The following HECW1 variants were observed in gnomAD, a reference collection of about 807,000 sequenced individuals.
The protein encoded by HECW1 is HECT, C2 and WW domain containing E3 ubiquitin protein ligase 1.
In HECW1, 61 loss-of-function variants were observed where a neutral mutation model predicts 182.3. That is an observed-to-expected ratio of 0.33 (90% CI 0.27 to 0.41). The LOEUF (loss-of-function observed/expected upper bound fraction) is 0.41. Ranked by LOEUF, HECW1 falls within the 10% of genes least tolerant of loss-of-function variation. HECW1 has a pLI of 1.00. For missense variants in HECW1, 1,739 were observed against 2,108.9 expected (o/e 0.82, Z 3.44); for synonymous variants, 859 against 832.6 (o/e 1.03, Z -0.55).
At chr7:43,440,124 G>C (rs2076839333) in intron 9 of HECW1, 1 of 152,338 alleles carries the variant, frequency 6.6e-6, no homozygotes, top group African/African-American at 2.4e-5. Flanking sequence ...CATGGAAGCA[G>C]TGGCCATGCA....
At chr7:43,346,787 A>G (rs1244025822) in intron 5 of HECW1, among the ~76,000 whole-genome samples, 1 of 152,164 alleles carries the variant, frequency 6.6e-6, no homozygotes, top group African/African-American at 2.4e-5. Context: ...GCTTTGTGGA[A>G]GATCAGTTGG....
chr7:43,240,541 CT>C (rs1798787306), intron 2 of HECW1, among the ~76,000 whole-genome samples: 1 of 152,116 alleles, frequency 6.6e-6, no homozygotes, highest in Non-Finnish European at 1.5e-5. Flanking sequence ...GGGTAACGTG[CT>C]TTCTAATATT....
intron 24 of HECW1, among the ~76,000 whole-genome samples, chr7:43,532,879 A>T (rs2081048411): frequency 6.6e-6 from 1 of 152,242 alleles, no homozygotes. Context: ...AAATGTGCAG[A>T]GTGGAGCACA....
intron 24 of HECW1, among the ~76,000 whole-genome samples, chr7:43,510,479 G>T (rs891599993): frequency 2.6e-5 from 4 of 152,194 alleles, no homozygotes; most frequent in African/African-American, 9.6e-5. Context: ...AGTATGTTCT[G>T]GGAGGATACA....
rs1049961315 is a variant in HECW1 at position 43,432,350 on chromosome 7, G to A, written c.802-5653G>A. On this transcript the variant is annotated intron_variant, in intron 8 of 29. Transcript: ENST00000395891. This position sits in a 1 kb window ranked among gnomAD's most constrained non-coding sequence, Gnocchi z 4.1. Reference sequence around the variant, plus strand: ...GAGACGGGGTTTCACCGTTTTAGCCGGGATGGTCTCGATCTCCTGACCTCG... The same window carrying A: ...GAGACGGGGTTTCACCGTTTTAGCCAGGATGGTCTCGATCTCCTGACCTCG... Among the ~76,000 whole-genome samples, 3 of 150,378 alleles carry A rather than the reference G, an allele frequency of 2.0e-5. No homozygotes were observed. The highest frequency in any genetic ancestry group is 4.4e-5 in the Non-Finnish European group (3 of 67,604).
chr7:43,441,567 G>A (rs1385253476), intron 9 of HECW1, among the ~76,000 whole-genome samples: 1 of 149,420 alleles, frequency 6.7e-6, no homozygotes, highest in Non-Finnish European at 1.5e-5. Flanking sequence ...CTCTCTCTCT[G>A]TTTTAGAACA....
chr7:43,376,298 A>G lies in HECW1; in HGVS notation c.555+15318A>G, dbSNP rs954201012. ...GTCACCGTAATAATCTCACCACCCA[A>G]CGAGCCTCAGGAACCTGCAGAAAGG... is the stretch of plus-strand genomic sequence containing the variant. On this transcript the variant is annotated intron_variant, in intron 6 of 29. Coordinates refer to ENST00000395891, the MANE Select transcript of HECW1 (RefSeq NM_015052.5). Among the ~76,000 whole-genome samples the G allele has an allele frequency of 3.9e-5, 6 of 152,180 alleles. No homozygotes were observed. In the East Asian group the frequency reaches 7.7e-4, roughly 20 times the overall value.
chr7:43,218,086 A>T lies in HECW1; in HGVS notation c.-31-25789A>T, dbSNP rs578230363. On this transcript the variant is annotated intron_variant, in intron 2 of 29. Coordinates refer to ENST00000395891, the MANE Select transcript of HECW1 (RefSeq NM_015052.5). ...GGAGAGCTGTGTAAATGGCCCAACA[A>T]AGTCTGTGTCAAAAAGGATTTTGAA... Among the ~76,000 whole-genome samples the T allele has an allele frequency of 1.2e-4, 18 of 152,302 alleles. 1 individual carries two copies. Among genetic ancestry groups the T allele is most frequent in the African/African-American group, 3.6e-4 (15 of 41,558 alleles).
intron 20 of HECW1, 135 bp downstream of exon 20, chr7:43,500,917 T>A (rs1419560263): frequency 6.7e-6 from 5 of 743,770 alleles, no homozygotes; most frequent in Non-Finnish European, 1.2e-5. Flanking sequence ...GCAACGCAAG[T>A]GGGACCCCAC....
In HECW1 at chr7:43,469,070, C is replaced by T. The variant is rs957355401; in HGVS notation, c.3064C>T (p.Arg1022Trp). ...MFADTRLELP[R>W]GWEIKTDQQG... is the part of the protein sequence containing the mutation. ...CGCAGACACTCGGCTGGAACTGCCC[C>T]GGGGCTGGGAGATCAAAACGGACCA... The change falls in exon 16 of 30, where the codon CGG becomes TGG. Residue 1022 changes from arginine (R) to tryptophan (W), a missense_variant. Physicochemically the swap from Arg to Trp is moderately radical, Grantham distance 101. Coordinates refer to ENST00000395891, the MANE Select transcript of HECW1 (RefSeq NM_015052.5). 6.8e-6 allele frequency: 11 copies of T among 1,613,996 alleles called. No individual in the cohort carries two copies. The highest frequency in any genetic ancestry group is 5.0e-5 in the Admixed American group (3 of 59,994).
chr7:43,525,786 T>C (rs909115964), intron 24 of HECW1, among the ~76,000 whole-genome samples: 4 of 152,098 alleles, frequency 2.6e-5, no homozygotes, highest in African/African-American at 9.7e-5. Flanking sequence ...TGTGATGTAA[T>C]CCAGGAAATG....
intron 2 of HECW1, among the ~76,000 whole-genome samples, chr7:43,177,179 C>T (rs1410050943): frequency 6.6e-6 from 1 of 152,084 alleles, no homozygotes; most frequent in African/African-American, 2.4e-5. Context: ...GAAGCTTGGA[C>T]CCTGGAAGAA....
At chr7:43,183,038 A>T (rs1290796332) in intron 2 of HECW1, among the ~76,000 whole-genome samples, 2 of 152,128 alleles carry the variant, frequency 1.3e-5, no homozygotes, top group African/African-American at 4.8e-5. Flanking sequence ...TTTTATCACT[A>T]TATCTTTATT....
intron 6 of HECW1, among the ~76,000 whole-genome samples, chr7:43,387,913 A>G (rs1257701801): frequency 3.3e-5 from 5 of 152,252 alleles, no homozygotes; most frequent in African/African-American, 1.2e-4. Flanking sequence ...AGGTTAAAAA[A>G]CAAATACAAT....
chr7:43,490,626 C>T (rs1368481040), intron 17 of HECW1, among the ~76,000 whole-genome samples: 2 of 152,166 alleles, frequency 1.3e-5, no homozygotes, highest in East Asian at 3.8e-4. Flanking sequence ...TGTAGAATCA[C>T]AGTGAGAATG....
intron 21 of HECW1, 26 bp downstream of exon 21, chr7:43,501,348 C>T: frequency 1.5e-6 from 2 of 1,326,792 alleles, no homozygotes; most frequent in East Asian, 2.3e-5. Context: ...CCTAATAGCT[C>T]CTGTTAAGTG....
At chr7:43,383,393 C>G (rs889963082) in intron 6 of HECW1, among the ~76,000 whole-genome samples, 12 of 152,182 alleles carry the variant, frequency 7.9e-5, no homozygotes, top group African/African-American at 2.9e-4. Context: ...ATTTACACTC[C>G]CACCAATAGT....
At chr7:43,332,711 C>A (rs754485275) in intron 5 of HECW1, among the ~76,000 whole-genome samples, 2 of 152,152 alleles carry the variant, frequency 1.3e-5, no homozygotes, top group Non-Finnish European at 2.9e-5. Flanking sequence ...CAAGGTCCGA[C>A]CCCTGGGCTG....
At chr7:43,513,097 C>CATAA (rs1301734625) in intron 24 of HECW1, among the ~76,000 whole-genome samples, 1 of 152,172 alleles carries the variant, frequency 6.6e-6, no homozygotes, top group Admixed American at 6.5e-5. Context: ...CCACTGGGTG[C>CATAA]ATAAATGAGT....
Sources: gnomAD v4.1 joint callset for allele counts (sites outside exome capture counted in the v4.1 genomes callset) on GRCh38, gnomAD v4.1.1 for gene constraint, Gnocchi (gnomAD v3.1) non-coding constraint, MANE v1.5 for transcripts, NCBI Gene and HGNC (gene_info 2026-07-23, HGNC 2026-07-21) for gene names.